The following COP1 variants were observed in gnomAD, a reference collection of about 807,000 sequenced individuals.
COP1 encodes the protein COP1 E3 ubiquitin ligase.
A neutral mutation model predicts 101.3 loss-of-function variants in COP1; 24 were observed. That is an observed-to-expected ratio of 0.24 (90% confidence interval 0.17 to 0.33). COP1 has a LOEUF of 0.33. Ranked by LOEUF, COP1 falls within the 10% of genes least tolerant of loss-of-function variation. The pLI is 1.00. For synonymous variants in COP1, 347 were observed against 341.9 expected, an observed-to-expected ratio of 1.01 and a Z score of -0.17; for missense variants, 663 against 906.2, an observed-to-expected ratio of 0.73 and a Z score of 3.45.
chr1:175,957,555 T>C (rs1202872762), intron 18 of COP1, among the ~76,000 whole-genome samples: 1 of 152,196 alleles, frequency 6.6e-6, no homozygotes, highest in Non-Finnish European at 1.5e-5. Context: ...TAATGGCATT[T>C]CTCAAAACGT....
At chr1:175,962,540 T>C (rs1261572017) in intron 18 of COP1, among the ~76,000 whole-genome samples, 5 of 152,186 alleles carry the variant, frequency 3.3e-5, no homozygotes, top group Non-Finnish European at 7.4e-5. Context: ...AGCCTTTTCA[T>C]TGGGGGTTTT....
intron 2 of COP1, among the ~76,000 whole-genome samples, chr1:176,177,884 G>A (rs1333270474): frequency 6.6e-6 from 1 of 152,184 alleles, no homozygotes; most frequent in Non-Finnish European, 1.5e-5. Context: ...TAAGTAAAAA[G>A]GAGGAAGGTG....
chr1:175,972,461 ATTT>A (rs35491036), intron 18 of COP1, among the ~76,000 whole-genome samples: 5 of 129,992 alleles, frequency 3.8e-5, no homozygotes, highest in Admixed American at 1.6e-4. Context: ...AAATACAAGA[ATTT>A]TTTTTTTTTT....
intron 14 of COP1, among the ~76,000 whole-genome samples, chr1:176,039,614 A>G (rs1670174815): frequency 6.6e-6 from 1 of 152,130 alleles, no homozygotes; most frequent in Non-Finnish European, 1.5e-5. Flanking sequence ...TTCATATAGA[A>G]TTTCAAGAGA....
chr1:175,988,678 C>T (rs745477831), intron 16 of COP1: 11 of 280,828 alleles, frequency 3.9e-5, no homozygotes, highest in Non-Finnish European at 6.7e-5. Flanking sequence ...ACTAAAAATA[C>T]AAAAATTAGT....
Position 176,027,595 on chromosome 1 carries a change from T to C in COP1, c.1706A>G (p.Tyr569Cys), listed in dbSNP as rs775328364. 6.2e-7 allele frequency: 1 copy of C among 1,612,450 alleles called. No homozygotes were observed. The highest frequency in any genetic ancestry group is 8.5e-7 in the Non-Finnish European group (1 of 1,178,698). ...ACCTGCACAGCCGAAAGCCAAATGG[T>C]ATCTGGAAGAGGGGCTGAATTTAAC... The part of the protein sequence containing the change: ...CCVKFSPSSR[Y>C]HLAFGCADHC... The change falls in exon 15 of 20, where the codon TAC (tyrosine) becomes TGC (cysteine). Residue 569 changes from tyrosine to cysteine, a missense_variant. Transcript: ENST00000367669.
intron 14 of COP1, 112 bp from the exon 15 acceptor site, chr1:176,027,800 T>C (rs1296612461): frequency 4.4e-6 from 3 of 677,228 alleles, no homozygotes; most frequent in Non-Finnish European, 7.9e-6. Context: ...TGTGCCACTC[T>C]AAAACATTTG....
chr1:176,149,087 A>G lies in COP1; in HGVS notation c.763-13T>C, dbSNP rs1692019470. On this transcript the variant is annotated splice_polypyrimidine_tract_variant and intron_variant, in intron 5 of 19. Coordinates refer to ENST00000367669, the MANE Select transcript of COP1 (RefSeq NM_022457.7). ...CTGCATGTGATTCCTACAATAGAAA[A>G]TTATAATTTTTCTTTTAAAAAATAT... 5 of 1,527,684 alleles carry G rather than the reference A, an allele frequency of 3.3e-6. No homozygotes were observed. Among genetic ancestry groups the G allele is most frequent in the Non-Finnish European group, 4.5e-6 (5 of 1,118,622 alleles). The allele number at this position is 1,527,684 out of a possible 1,614,324, so 94.6% of individuals were successfully genotyped here.
At chr1:175,989,309 G>C (rs1268688705) in intron 16 of COP1, 53 bp downstream of exon 16, 2 of 868,932 alleles carry the variant, frequency 2.3e-6, no homozygotes, top group East Asian at 4.8e-5. Flanking sequence ...CAAGCTGGTA[G>C]GTAAGTACAG....
chr1:176,205,879 T>G (rs1344120465), intron 1 of COP1, among the ~76,000 whole-genome samples: 1 of 152,222 alleles, frequency 6.6e-6, no homozygotes, highest in East Asian at 1.9e-4. Flanking sequence ...AGGGATGTTA[T>G]TTAACAAACG....
chr1:176,028,696 CATATATAT>C (rs369887649), intron 14 of COP1, among the ~76,000 whole-genome samples: 2,036 of 47,904 alleles, frequency 0.043, 151 homozygotes, highest in African/African-American at 0.12. Context: ...ATATTTGTTT[CATATATAT>C]ATATATATAT....
At chr1:176,179,619 C>CCTAGCTA (rs1234533923) in intron 2 of COP1, among the ~76,000 whole-genome samples, 1 of 152,010 alleles carries the variant, frequency 6.6e-6, no homozygotes, top group South Asian at 2.1e-4. Flanking sequence ...TCCCTGTGAT[C>CCTAGCTA]CTAGCTACTC....
intron 18 of COP1, among the ~76,000 whole-genome samples, chr1:175,965,585 T>G (rs113439238): frequency 1.2e-4 from 18 of 149,398 alleles, no homozygotes; most frequent in Admixed American, 7.3e-4. Context: ...TTTGTTTTGT[T>G]TTTGTTTGTT....
intron 11 of COP1, among the ~76,000 whole-genome samples, chr1:176,077,886 C>G (rs995932001): frequency 4.2e-5 from 6 of 142,372 alleles, no homozygotes; most frequent in African/African-American, 1.0e-4. Flanking sequence ...AAATAAAAAA[C>G]ACAATCTTAT....
At chr1:176,101,276 A>C (rs1164715970) in intron 9 of COP1, among the ~76,000 whole-genome samples, 1 of 152,112 alleles carries the variant, frequency 6.6e-6, no homozygotes, top group African/African-American at 2.4e-5. Context: ...CCCTCCCTCA[A>C]ATACTCCAGG....
chr1:176,044,108 G>A (rs1412943152), intron 12 of COP1, among the ~76,000 whole-genome samples: 2 of 152,130 alleles, frequency 1.3e-5, no homozygotes, highest in Non-Finnish European at 2.9e-5. Context: ...ATGAGGAAAC[G>A]ATGTCTATCA....
intron 11 of COP1, among the ~76,000 whole-genome samples, chr1:176,068,693 C>A: frequency 6.6e-6 from 1 of 152,144 alleles, no homozygotes; most frequent in East Asian, 1.9e-4. Flanking sequence ...TCAAACCAAT[C>A]CTTCTAACTC....
intron 5 of COP1, among the ~76,000 whole-genome samples, chr1:176,159,820 A>G (rs937382133): frequency 2.0e-5 from 3 of 152,310 alleles, no homozygotes; most frequent in African/African-American, 7.2e-5. Context: ...CCAACTTCAT[A>G]TGGTGGTCAC....
chr1:176,047,020 T>C (rs892195596), intron 11 of COP1, among the ~76,000 whole-genome samples: 1 of 152,156 alleles, frequency 6.6e-6, no homozygotes, highest in South Asian at 2.1e-4. Flanking sequence ...CATTTTTATA[T>C]AAGCTCCAAA....
Sources: gnomAD v4.1 joint callset for allele counts (sites outside exome capture counted in the v4.1 genomes callset) on GRCh38, gnomAD v4.1.1 for gene constraint, MANE v1.5 for transcripts, NCBI Gene and HGNC (gene_info 2026-07-23, HGNC 2026-07-21) for gene names.